The following MACROD2 variants were observed in gnomAD, a reference collection of about 807,000 sequenced individuals.
MACROD2 encodes the protein mono-ADP ribosylhydrolase 2, also known as ADP-ribose glycohydrolase MACROD2.
MACROD2 carries 36 observed loss-of-function variants against 70.4 expected under a neutral mutation model. The ratio of observed to expected loss-of-function variants is 0.51; its 90% CI spans 0.39 to 0.68. MACROD2 has a LOEUF of 0.68. Ranked by LOEUF, MACROD2 falls within the 30% of genes least tolerant of loss-of-function variation. The probability of loss-of-function intolerance (pLI) is 0.00; values close to 1 mark genes in which losing one functional copy is unlikely to be tolerated. For missense variants in MACROD2, 496 were observed against 538.4 expected (o/e 0.92, Z 0.78); for synonymous variants, 172 against 178.8 (o/e 0.96, Z 0.30).
chr20:14,540,460 C>T (rs2423808), intron 4 of MACROD2, among the ~76,000 whole-genome samples: 61,953 of 151,922 alleles, frequency 0.41, 13,188 homozygotes, highest in East Asian at 0.64. Flanking sequence ...AAAGAGAGTT[C>T]ACAAAGGTGC....
chr20:14,875,712 C>T (rs1018127779), intron 5 of MACROD2, among the ~76,000 whole-genome samples: 1 of 152,070 alleles, frequency 6.6e-6, no homozygotes, highest in African/African-American at 2.4e-5. Context: ...GTTTGGCTCA[C>T]ACTTATAAGT....
chr20:14,164,379 G>A (rs1293943819), intron 3 of MACROD2, among the ~76,000 whole-genome samples: 2 of 152,228 alleles, frequency 1.3e-5, no homozygotes, highest in South Asian at 2.1e-4. Context: ...TTAGGGTGGT[G>A]TATGCTGGCA....
intron 3 of MACROD2, among the ~76,000 whole-genome samples, chr20:14,431,442 A>C (rs565478376): frequency 6.6e-6 from 1 of 152,300 alleles, no homozygotes; most frequent in African/African-American, 2.4e-5. Flanking sequence ...ACTACTAAAA[A>C]CACAGAAGTA....
intron 7 of MACROD2, among the ~76,000 whole-genome samples, chr20:15,446,735 G>A (rs985827791): frequency 1.3e-5 from 2 of 152,334 alleles, no homozygotes; most frequent in East Asian, 1.9e-4. Context: ...TGGCGCTGCC[G>A]TAGGGAAAGG....
intron 5 of MACROD2, among the ~76,000 whole-genome samples, chr20:14,754,552 A>G (rs1023911795): frequency 3.3e-5 from 5 of 152,016 alleles, no homozygotes; most frequent in African/African-American, 1.2e-4. Flanking sequence ...TCTGGTGGGC[A>G]CAGAGTCTCT....
intron 3 of MACROD2, among the ~76,000 whole-genome samples, chr20:14,166,435 T>C (rs1179023316): frequency 1.3e-5 from 2 of 152,138 alleles, no homozygotes; most frequent in Admixed American, 1.3e-4. Flanking sequence ...TTCTTATCTC[T>C]CTGTAGACAG....
intron 5 of MACROD2, among the ~76,000 whole-genome samples, chr20:14,718,295 A>AAAAAAAC: frequency 7.0e-6 from 1 of 142,140 alleles, no homozygotes; most frequent in African/African-American, 2.7e-5. Flanking sequence ...TCTGTCTCAA[A>AAAAAAAC]AAAAAAAAAA....
At chr20:15,137,004 A>G (rs1217015806) in intron 5 of MACROD2, among the ~76,000 whole-genome samples, 4 of 149,690 alleles carry the variant, frequency 2.7e-5, no homozygotes, top group Non-Finnish European at 4.4e-5. Context: ...CAAAACCACA[A>G]TGAGATACCA....
chr20:15,068,464 C>T (rs537020016), intron 5 of MACROD2, among the ~76,000 whole-genome samples: 140 of 152,240 alleles, frequency 9.2e-4, no homozygotes, highest in African/African-American at 2.8e-3. Context: ...TGTGACCCCC[C>T]GTGTTGGAGG....
At chr20:15,916,587 C>T (rs1055079950) in intron 10 of MACROD2, among the ~76,000 whole-genome samples, 2 of 152,216 alleles carry the variant, frequency 1.3e-5, no homozygotes, top group Non-Finnish European at 1.5e-5. Context: ...TCCTGCATCC[C>T]GACTATGTCT....
At chr20:14,706,696 C>T (rs1166711208) in intron 5 of MACROD2, among the ~76,000 whole-genome samples, 1 of 152,106 alleles carries the variant, frequency 6.6e-6, no homozygotes, top group Non-Finnish European at 1.5e-5. Flanking sequence ...TTTTGCTCCG[C>T]TTTATTCTTC....
chr20:15,548,793 C>A lies in MACROD2; in HGVS notation c.645+48946C>A, dbSNP rs540380271. 2.0e-5 allele frequency among the ~76,000 whole-genome samples: 3 copies of A among 152,286 alleles called. No individual in the cohort carries two copies. The South Asian group carries it at 6.2e-4, about 32-fold the overall frequency. ...TACTATCCTTGGTTCTCATGAGTTA[C>A]CTTCCTTGGGGGAAGTCAGCCACCA... On this transcript the variant is annotated intron_variant, in intron 8 of 17. Coordinates refer to ENST00000684519, the MANE Select transcript of MACROD2 (RefSeq NM_001351661.2).
chr20:15,048,463 T>TAAAA (rs34212655), intron 5 of MACROD2, among the ~76,000 whole-genome samples: 1 of 145,756 alleles, frequency 6.9e-6, no homozygotes. Flanking sequence ...TACTTTTCTG[T>TAAAA]AAAAAAAAAA....
intron 5 of MACROD2, among the ~76,000 whole-genome samples, chr20:15,158,455 A>G (rs1187650323): frequency 6.6e-6 from 1 of 152,172 alleles, no homozygotes; most frequent in Non-Finnish European, 1.5e-5. Flanking sequence ...ATTGAATACC[A>G]CAGAGAAACT....
At chr20:15,130,922 A>G (rs974828789) in intron 5 of MACROD2, among the ~76,000 whole-genome samples, 3 of 152,130 alleles carry the variant, frequency 2.0e-5, no homozygotes, top group Admixed American at 6.6e-5. Flanking sequence ...TTGATTCCCA[A>G]TAAAGTGAAG....
intron 5 of MACROD2, among the ~76,000 whole-genome samples, chr20:15,031,322 TGGCAATGTGGCAAGCGAGG>T (rs1317787048): frequency 6.6e-6 from 1 of 152,202 alleles, no homozygotes; most frequent in Non-Finnish European, 1.5e-5. Context: ...TTCCCGTCGC[TGGCAATGTGGCAAGCGAGG>T]GGTTGTGTTT....
chr20:14,721,697 T>A (rs2071472071), intron 5 of MACROD2, among the ~76,000 whole-genome samples: 1 of 152,218 alleles, frequency 6.6e-6, no homozygotes, highest in Admixed American at 6.5e-5. Context: ...TGGCTTTTCA[T>A]GTCCTTAGAA....
chr20:14,455,625 A>G (rs1179839519), intron 3 of MACROD2, among the ~76,000 whole-genome samples: 1 of 151,884 alleles, frequency 6.6e-6, no homozygotes, highest in African/African-American at 2.4e-5. Context: ...ATTAAATGCC[A>G]CAGAGTAGGG....
chr20:15,271,228 C>A (rs1466497990), intron 6 of MACROD2, among the ~76,000 whole-genome samples: 1 of 152,068 alleles, frequency 6.6e-6, no homozygotes, highest in African/African-American at 2.4e-5. Flanking sequence ...GGGTACAATC[C>A]CTTGTTCATA....
Sources: gnomAD v4.1 joint callset for allele counts (sites outside exome capture counted in the v4.1 genomes callset) on GRCh38, gnomAD v4.1.1 for gene constraint, MANE v1.5 for transcripts, NCBI Gene and HGNC (gene_info 2026-07-23, HGNC 2026-07-21) for gene names.